Variants in DNAJC11 observed in about 807,000 individuals in gnomAD.
The protein encoded by DNAJC11 is dnaJ homolog subfamily C member 11.
Under a neutral mutation model 78.6 loss-of-function variants are expected in DNAJC11, and 15 were observed. That is an observed-to-expected ratio of 0.19 (90% CI 0.13 to 0.29). The LOEUF (loss-of-function observed/expected upper bound fraction) is 0.29. Ranked by LOEUF, DNAJC11 falls within the 10% of genes least tolerant of loss-of-function variation. The pLI, the probability that DNAJC11 is intolerant of heterozygous loss-of-function variation, is 1.00. For synonymous variants in DNAJC11, 292 were observed against 272.1 expected (o/e 1.07, Z -0.72); for missense variants, 547 against 709.6 (o/e 0.77, Z 2.60).
chr1:6,634,622 T>TA lies in DNAJC11; in HGVS notation c.*1052dup. ...CCGAGAGACAGGCCTCACGTAACTTTACTGCAGCCGAGGTCCAGGCCGTGG... is the reference window on the plus strand; with the variant it reads ...CCGAGAGACAGGCCTCACGTAACTTTAACTGCAGCCGAGGTCCAGGCCGTGG... On this transcript the variant is annotated 3_prime_UTR_variant, in exon 16 of 16. Transcript: ENST00000377577. 1 of 1,366,496 alleles carries TA rather than the reference T, an allele frequency of 7.3e-7. No homozygotes were observed. Among genetic ancestry groups the TA allele is most frequent in the African/African-American group, 1.5e-5 (1 of 67,872 alleles). The allele number at this position is 1,366,496 out of a possible 1,614,324, so 84.6% of individuals were successfully genotyped here.
At chr1:6,664,953 T>C (rs2148739479) in intron 4 of DNAJC11, among the ~76,000 whole-genome samples, 1 of 152,278 alleles carries the variant, frequency 6.6e-6, no homozygotes, top group East Asian at 1.9e-4. Context: ...GAGAGAAATA[T>C]GCACCCGCGT....
chr1:6,664,799 C>T (rs1642270912), intron 4 of DNAJC11, among the ~76,000 whole-genome samples: 1 of 152,144 alleles, frequency 6.6e-6, no homozygotes, highest in Non-Finnish European at 1.5e-5. Context: ...AAAGGGAGCA[C>T]TGTCAAACGG....
At chr1:6,646,647 G>A (rs944031881) in intron 7 of DNAJC11, among the ~76,000 whole-genome samples, 3 of 152,138 alleles carry the variant, frequency 2.0e-5, no homozygotes, top group Non-Finnish European at 2.9e-5. Context: ...ACAGGAAACC[G>A]GTTCCCGAAA....
chr1:6,646,121 A>T (rs868805245), intron 7 of DNAJC11, 143 bp from the exon 8 acceptor site: 7 of 785,204 alleles, frequency 8.9e-6, no homozygotes, highest in Middle Eastern at 6.6e-4. Flanking sequence ...AAAAAGCAGG[A>T]GGTCAGGCCT....
intron 10 of DNAJC11, among the ~76,000 whole-genome samples, chr1:6,643,632 A>G (rs1361835693): frequency 2.6e-5 from 4 of 152,046 alleles, no homozygotes; most frequent in African/African-American, 9.7e-5. Context: ...ACTCAGGTGG[A>G]GCAAGGGTAT....
chr1:6,640,916 A>T (rs1423739933), intron 10 of DNAJC11, among the ~76,000 whole-genome samples: 3 of 152,182 alleles, frequency 2.0e-5, no homozygotes, highest in Admixed American at 6.5e-5. Context: ...CAGATGCAAG[A>T]AGTTTAGGAA....
At chr1:6,635,901 G>A (rs182445808) in intron 15 of DNAJC11, among the ~76,000 whole-genome samples, 15 of 152,310 alleles carry the variant, frequency 9.8e-5, no homozygotes, top group Admixed American at 7.2e-4. Context: ...TTTCCAACGC[G>A]CTCACTCTAA....
intron 4 of DNAJC11, among the ~76,000 whole-genome samples, chr1:6,661,417 G>A (rs890405738): frequency 5.9e-5 from 9 of 152,302 alleles, no homozygotes; most frequent in African/African-American, 2.2e-4. Flanking sequence ...GAGCGATTAT[G>A]CTGACATGAG....
At position 6,645,009 on chromosome 1, in the gene DNAJC11, T is replaced by G; in HGVS notation, c.980+32A>C. 1 of 1,595,448 alleles carries G rather than the reference T, an allele frequency of 6.3e-7. No homozygotes were observed. Among genetic ancestry groups the G allele is most frequent in the South Asian group, 1.1e-5 (1 of 90,524 alleles). ...TGTGAAGACCCGCATGCAGTACCAG[T>G]GTGCTTCCATTTTAGCCAGGCCAGG... On this transcript the variant is annotated intron_variant, in intron 9 of 15. Transcript: ENST00000377577. The surrounding 1 kb of genome is among the most constrained non-coding windows in gnomAD (Gnocchi z 4.1).
chr1:6,674,403 A>G (rs1472232379), intron 3 of DNAJC11, among the ~76,000 whole-genome samples: 1 of 152,080 alleles, frequency 6.6e-6, no homozygotes, highest in East Asian at 1.9e-4. Context: ...TCTACCAAAA[A>G]TACAAAAATT....
chr1:6,652,196 G>C (rs1456963790), intron 6 of DNAJC11, among the ~76,000 whole-genome samples: 4 of 152,162 alleles, frequency 2.6e-5, no homozygotes, highest in Admixed American at 2.6e-4. Context: ...CAATTTGCTC[G>C]GCAGAACTGG....
Position 6,637,513 on chromosome 1 carries a change from G to C in DNAJC11, c.1324-9C>G. ...TCCTGCATCAGCCGGACCTGCCAGA[G>C]AACAAGGATGACACAGTCAGGGCCC... is the stretch of plus-strand genomic sequence containing the variant. On this transcript the variant is annotated splice_polypyrimidine_tract_variant and intron_variant, in intron 12 of 15. Transcript: ENST00000377577. The C allele has an allele frequency of 6.2e-7, 1 of 1,614,178 alleles. No individual in the cohort carries two copies. The highest frequency in any genetic ancestry group is 8.5e-7 in the Non-Finnish European group (1 of 1,180,040).
Position 6,634,376 on chromosome 1 carries a change from T to C in DNAJC11, c.*1299A>G, listed in dbSNP as rs1339701371. ...AAAAATGGAGATGAATGTTACAGAATTGGACAACCCGAACTGCTTTTCAAA... is the reference window on the plus strand; with the variant it reads ...AAAAATGGAGATGAATGTTACAGAACTGGACAACCCGAACTGCTTTTCAAA... On this transcript the variant is annotated 3_prime_UTR_variant, in exon 16 of 16. Coordinates refer to ENST00000377577, the MANE Select transcript of DNAJC11 (RefSeq NM_018198.4). 69 of 1,165,110 alleles carry C rather than the reference T, an allele frequency of 5.9e-5. No homozygotes were observed. Among genetic ancestry groups the C allele is most frequent in the Non-Finnish European group, 7.0e-5 (62 of 886,496 alleles). 72.2% of individuals were successfully genotyped at this position (1,165,110 alleles called of 1,614,324 possible).
intron 4 of DNAJC11, among the ~76,000 whole-genome samples, chr1:6,659,440 C>T (rs1466572319): frequency 6.6e-6 from 1 of 152,190 alleles, no homozygotes; most frequent in Admixed American, 6.5e-5. Context: ...CCAGTGGCAC[C>T]TTTTCAGTGA....
chr1:6,692,768 G>A (rs1642766311), intron 1 of DNAJC11, among the ~76,000 whole-genome samples: 3 of 151,136 alleles, frequency 2.0e-5, no homozygotes, highest in South Asian at 4.2e-4. Context: ...TTGCCACCAC[G>A]CCTGGCTAAT....
At chr1:6,650,874 C>T in intron 7 of DNAJC11, 1 of 319,900 alleles carries the variant, frequency 3.1e-6, no homozygotes. Flanking sequence ...GACCCTGTCT[C>T]CAAAATAAAT....
intron 15 of DNAJC11, 81 bp downstream of exon 15, chr1:6,636,036 G>C: frequency 6.6e-7 from 1 of 1,512,418 alleles, no homozygotes; most frequent in Non-Finnish European, 8.9e-7. Flanking sequence ...GGTGGAAGGT[G>C]GCTGGCAGCC....
intron 4 of DNAJC11, among the ~76,000 whole-genome samples, chr1:6,655,070 T>A (rs1367780994): frequency 6.6e-6 from 1 of 152,222 alleles, no homozygotes; most frequent in African/African-American, 2.4e-5. Context: ...GTGCTGAGAT[T>A]ACAGGTGTGA....
At chr1:6,669,512 TTAGAAAAGAA>T (rs1642343045) in intron 3 of DNAJC11, among the ~76,000 whole-genome samples, 1 of 105,532 alleles carries the variant, frequency 9.5e-6, no homozygotes, top group Non-Finnish European at 1.9e-5. Flanking sequence ...AAACTCTGTC[TTAGAAAAGAA>T]AAGAAAAGAA....
Sources: gnomAD v4.1 joint callset for allele counts (sites outside exome capture counted in the v4.1 genomes callset) on GRCh38, gnomAD v4.1.1 for gene constraint, Gnocchi (gnomAD v3.1) non-coding constraint, MANE v1.5 for transcripts, NCBI Gene and HGNC (gene_info 2026-07-23, HGNC 2026-07-21) for gene names.